HSH2D: variants seen among roughly 807,000 people sequenced by gnomAD.
HSH2D encodes hematopoietic SH2 domain containing, also known as hematopoietic SH2 domain-containing protein.
Under a neutral mutation model 21.5 loss-of-function variants are expected in HSH2D, and 16 were observed. The observed-to-expected ratio is 0.74, with a 90% CI of 0.50 to 1.13. The LOEUF (loss-of-function observed/expected upper bound fraction) is 1.13. HSH2D is among the 50% of genes most tolerant of loss of function. The probability of loss-of-function intolerance (pLI) is 0.00; values close to 1 mark genes in which losing one functional copy is unlikely to be tolerated. For synonymous variants in HSH2D, 172 were observed against 184.7 expected (o/e 0.93, Z 0.56); for missense variants, 418 against 441.4 (o/e 0.95, Z 0.47).
At chr19:16,148,557 A>T (rs2091103250) in intron 1 of HSH2D, among the ~76,000 whole-genome samples, 167 bp from the exon 2 acceptor site, 1 of 152,132 alleles carries the variant, frequency 6.6e-6, no homozygotes, top group Non-Finnish European at 1.5e-5. Context: ...AAGTGCTGGG[A>T]TTACACATGT....
chr19:16,143,846 A>G (rs2091026752), intron 1 of HSH2D, 72 bp downstream of exon 1: 1 of 347,818 alleles, frequency 2.9e-6, no homozygotes, highest in Non-Finnish European at 6.0e-6. Context: ...AAGGAGGGAC[A>G]GGGCTAGTGG....
chr19:16,156,563 A>G (rs1260250923), intron 5 of HSH2D, among the ~76,000 whole-genome samples: 1 of 152,196 alleles, frequency 6.6e-6, no homozygotes, highest in African/African-American at 2.4e-5. Flanking sequence ...CAATAAAGCT[A>G]TATTAGAACC....
chr19:16,154,351 C>A, intron 4 of HSH2D, 48 bp from the exon 5 acceptor site: 1 of 1,348,214 alleles, frequency 7.4e-7, no homozygotes, highest in Admixed American at 2.1e-5. Flanking sequence ...CCGTGCAGGA[C>A]CTTTCCCCCT....
Position 16,143,736 on chromosome 19 carries a change from A to T in HSH2D, c.-66A>T, listed in dbSNP as rs764161171. The T allele has an allele frequency of 2.2e-6, 1 of 454,156 alleles. No homozygotes were observed. The highest frequency in any genetic ancestry group is 4.4e-6 in the Non-Finnish European group (1 of 225,592). 28.1% of individuals were successfully genotyped at this position (454,156 alleles called of 1,614,324 possible). ...CCCAGGCTCCTGCAGGCACTGGCAC[A>T]GCTACAGCGAGGGCCTCGGCCATCC... On this transcript the variant is annotated 5_prime_UTR_variant, in exon 1 of 6. Transcript: ENST00000613986.
chr19:16,154,533 G>T, intron 5 of HSH2D, 42 bp downstream of exon 5: 5 of 1,320,364 alleles, frequency 3.8e-6, no homozygotes, highest in Non-Finnish European at 5.3e-6. Flanking sequence ...ACCTGGCTGA[G>T]GGGCAGGAGT....
intron 1 of HSH2D, among the ~76,000 whole-genome samples, chr19:16,134,776 A>C (rs533200985): frequency 6.6e-6 from 1 of 151,686 alleles, no homozygotes; most frequent in African/African-American, 2.4e-5. Context: ...GTTTCAAACT[A>C]TTTTCAGAGT....
At chr19:16,153,353 CTCTGCCCCCCACAGCGGTCTCCG>C in intron 4 of HSH2D, 145 bp downstream of exon 4, 1 of 771,552 alleles carries the variant, frequency 1.3e-6, no homozygotes, top group South Asian at 2.0e-5. Context: ...CCAGTAGTCC[CTCTGCCCCCCACAGCGGTCTCCG>C]TTGTGGTTCC....
At chr19:16,138,079 G>A (rs1158155455) in intron 1 of HSH2D, among the ~76,000 whole-genome samples, 2 of 151,942 alleles carry the variant, frequency 1.3e-5, no homozygotes, top group Admixed American at 1.3e-4. Context: ...TGTTGGCCAG[G>A]CTAGTCTCAA....
At chr19:16,140,586 T>C (rs777090564), upstream of HSH2D, among the ~76,000 whole-genome samples, 4 of 150,940 alleles carry the variant, frequency 2.7e-5, no homozygotes, top group Non-Finnish European at 5.9e-5. Flanking sequence ...GCCGGGGCGA[T>C]AGAACAAGAC....
intron 1 of HSH2D, among the ~76,000 whole-genome samples, chr19:16,135,096 C>G (rs2090952749): frequency 6.6e-6 from 1 of 151,954 alleles, no homozygotes; most frequent in South Asian, 2.1e-4. Flanking sequence ...GCCAATATGG[C>G]AAAACCCCAT....
chr19:16,144,250 G>A (rs1425490246), intron 1 of HSH2D, among the ~76,000 whole-genome samples: 2 of 152,028 alleles, frequency 1.3e-5, no homozygotes, highest in East Asian at 3.9e-4. Context: ...CCTCAGGCTG[G>A]TGGAGACAGA....
At chr19:16,153,249 G>A (rs1407892246) in intron 4 of HSH2D, 41 bp downstream of exon 4, 1 of 1,461,554 alleles carries the variant, frequency 6.8e-7, no homozygotes, top group Non-Finnish European at 9.0e-7. Flanking sequence ...CATTTCCTTG[G>A]GGCCAAGCCC....
chr19:16,148,478 G>T (rs1164368820), intron 1 of HSH2D, among the ~76,000 whole-genome samples: 9 of 151,956 alleles, frequency 5.9e-5, no homozygotes, highest in Non-Finnish European at 1.3e-4. Flanking sequence ...AGAGATGGGG[G>T]TCTCACTATG....
intron 1 of HSH2D, among the ~76,000 whole-genome samples, chr19:16,145,244 G>A (rs375912652): frequency 7.2e-5 from 11 of 151,924 alleles, no homozygotes; most frequent in African/African-American, 2.7e-4. Flanking sequence ...ATGGAGTCTT[G>A]CTCTGTTGCC....
rs765759268 is a variant in HSH2D at position 16,157,732 on chromosome 19, G to A, written c.997G>A (p.Glu333Lys). The change falls in exon 6 of 6, where the codon GAG (glutamate) becomes AAG (lysine). Residue 333 changes from glutamate (E) to lysine (K), a missense_variant. Transcript: ENST00000613986. This position sits in a 1 kb window ranked among gnomAD's most constrained non-coding sequence, Gnocchi z 4.4. ...AGAGCACCAGGGCTTGGCAGAGCCT[G>A]AGAACGACCAGCTCCCGGAGGAGTA... is the stretch of plus-strand genomic sequence containing the variant. ...KPEHQGLAEP[E>K]NDQLPEEYQQ... 1 of 1,612,972 alleles carries A rather than the reference G, an allele frequency of 6.2e-7. No individual in the cohort carries two copies. Among genetic ancestry groups the A allele is most frequent in the Admixed American group, 1.7e-5 (1 of 59,908 alleles).
intron 5 of HSH2D, among the ~76,000 whole-genome samples, chr19:16,156,451 T>C (rs2091238602): frequency 6.6e-6 from 1 of 152,122 alleles, no homozygotes; most frequent in South Asian, 2.1e-4. Flanking sequence ...TCCAAAGCAC[T>C]GGGATTACAG....
intron 2 of HSH2D, among the ~76,000 whole-genome samples, chr19:16,152,145 C>T (rs1445794655): frequency 2.8e-5 from 4 of 145,174 alleles, no homozygotes; most frequent in African/African-American, 7.7e-5. Flanking sequence ...AGGCCGGGCA[C>T]GGTGGCTCAC....
rs553269415 is a variant in HSH2D, at chr19:16,154,620, T to G, written c.474+129T>G. ...TCCTACAGCTTGGTGCTTTAAACCT[T>G]TCCAGTGCTTTTGCAACACCGAGAT... On this transcript the variant is annotated intron_variant, in intron 5 of 5. Coordinates refer to ENST00000613986, the MANE Select transcript of HSH2D (RefSeq NM_001382417.1). 157 of 566,600 alleles carry G rather than the reference T, an allele frequency of 2.8e-4. No individual in the cohort carries two copies. The East Asian group carries it at 4.4e-3, about 16-fold the overall frequency. The allele number at this position is 566,600 out of a possible 1,614,324, so 35.1% of individuals were successfully genotyped here. A position where few individuals can be genotyped will look rare whatever the true frequency, so the allele number is the denominator to read the frequency against.
upstream of HSH2D, among the ~76,000 whole-genome samples, chr19:16,142,672 A>G (rs1045394238): frequency 6.6e-6 from 1 of 152,116 alleles, no homozygotes; most frequent in Non-Finnish European, 1.5e-5. Flanking sequence ...CATGTTGGTC[A>G]GGCTGGTCGC....
Sources: gnomAD v4.1 joint callset for allele counts (sites outside exome capture counted in the v4.1 genomes callset) on GRCh38, gnomAD v4.1.1 for gene constraint, Gnocchi (gnomAD v3.1) non-coding constraint, MANE v1.5 for transcripts, NCBI Gene and HGNC (gene_info 2026-07-23, HGNC 2026-07-21) for gene names.